Variants in ACLY observed in about 807,000 individuals in gnomAD.
The protein encoded by ACLY is ATP-citrate synthase.
In ACLY, 41 loss-of-function variants were observed where a neutral mutation model predicts 133.0. That is an observed-to-expected ratio of 0.31 (90% CI 0.24 to 0.40). ACLY has a LOEUF of 0.40. ACLY is among the 10% of genes least tolerant of loss of function. ACLY has a pLI of 1.00. For synonymous variants in ACLY, 495 were observed against 549.3 expected (o/e 0.90, Z 1.38); for missense variants, 1,046 against 1,453.8 (o/e 0.72, Z 4.56).
At chr17:41,904,634 A>T (rs1192355215) in intron 10 of ACLY, 95 bp downstream of exon 10, 5 of 1,234,824 alleles carry the variant, frequency 4.0e-6, no homozygotes, top group Non-Finnish European at 5.9e-6. Flanking sequence ...AACTCATGGT[A>T]ACTTGGCTCT....
intron 3 of ACLY, 49 bp from the exon 4 acceptor site, chr17:41,910,333 C>T (rs1555633455): frequency 1.3e-6 from 2 of 1,555,106 alleles, no homozygotes; most frequent in Non-Finnish European, 1.8e-6. Context: ...GCACGTCTTG[C>T]CCCTAGGGCA....
At chr17:41,873,049 T>C (rs532713902) in intron 23 of ACLY, among the ~76,000 whole-genome samples, 4 of 152,238 alleles carry the variant, frequency 2.6e-5, no homozygotes, top group African/African-American at 9.6e-5. Context: ...AATCACATAC[T>C]CACTGGCTCC....
chr17:41,895,106 A>T (rs1555630105), intron 14 of ACLY, among the ~76,000 whole-genome samples: 1 of 152,216 alleles, frequency 6.6e-6, no homozygotes, highest in African/African-American at 2.4e-5. Context: ...CAGTCCTAGG[A>T]AACTGAAGCC....
chr17:41,883,126 G>A lies in ACLY; in HGVS notation c.2261C>T (p.Ser754Phe), dbSNP rs1555627639. The change falls in exon 20 of 29, where the codon TCT becomes TTT. Residue 754 changes from serine to phenylalanine, a missense_variant. Physicochemically the swap from Ser to Phe is radical, Grantham distance 155. Around this residue, in one of 4 missense-constraint regions of ACLY, gnomAD observed 575 missense variants for 804.2 expected, o/e 0.71. Transcript: ENST00000352035. ...CIGTCATMFS[S>F]EVQFGHAGAC... Reference sequence around the variant, plus strand: ...AGTGACCCATCTCAGCCATACCTCAGAGGAGAACATGGTGGCACACGTCCC... The same window carrying A: ...AGTGACCCATCTCAGCCATACCTCAAAGGAGAACATGGTGGCACACGTCCC... 1.2e-6 allele frequency: 2 copies of A among 1,613,626 alleles called. No individual in the cohort carries two copies. The highest frequency in any genetic ancestry group is 1.1e-5 in the South Asian group (1 of 91,052).
intron 1 of ACLY, among the ~76,000 whole-genome samples, chr17:41,916,236 T>A (rs147862064): frequency 7.1e-4 from 108 of 152,264 alleles, no homozygotes; most frequent in African/African-American, 2.5e-3. Context: ...AAGGAATGTA[T>A]ACAACATAAT....
intron 5 of ACLY, 117 bp downstream of exon 5, chr17:41,909,393 C>T: frequency 8.8e-7 from 1 of 1,133,026 alleles, no homozygotes; most frequent in Non-Finnish European, 1.3e-6. Context: ...CAGGACAGGG[C>T]CGTGTCTACC....
At chr17:41,887,027 G>A (rs565788274) in intron 17 of ACLY, among the ~76,000 whole-genome samples, 30 of 150,884 alleles carry the variant, frequency 2.0e-4, no homozygotes, top group African/African-American at 7.3e-4. Context: ...GGGAGGCTGA[G>A]GCAGGAGAAT....
chr17:41,922,532 T>C (rs543691119), upstream of ACLY, among the ~76,000 whole-genome samples: 1 of 152,230 alleles, frequency 6.6e-6, no homozygotes, highest in African/African-American at 2.4e-5. Flanking sequence ...TAATAAACTC[T>C]TTGAAGGTCA....
At position 41,867,664 on chromosome 17, in the gene ACLY, T is replaced by C. The variant is rs1555624143; in HGVS notation, c.*146A>G. On this transcript the variant is annotated 3_prime_UTR_variant, in exon 29 of 29. Transcript: ENST00000352035. ...CTGAAGGGGTGTTAGCCTGTGGATG[T>C]TGGTCTTCGGTGCCTGTACCCCAGT... 3.9e-6 allele frequency: 2 copies of C among 512,316 alleles called. No homozygotes were observed. The highest frequency in any genetic ancestry group is 3.0e-5 in the South Asian group (1 of 33,474). 31.7% of individuals were successfully genotyped at this position (512,316 alleles called of 1,614,324 possible). A position where few individuals can be genotyped will look rare whatever the true frequency, so the allele number is the denominator to read the frequency against.
Position 41,890,407 on chromosome 17 carries a change from G to A in ACLY, c.1770+1872C>T, listed in dbSNP as rs893544154. Among the ~76,000 whole-genome samples the A allele has an allele frequency of 2.1e-4, 32 of 151,962 alleles. 1 individual carries two copies. Among genetic ancestry groups the A allele is most frequent in the African/African-American group, 6.7e-4 (28 of 41,504 alleles). ...TTGAAAAAAAAAAAAAAAATTTGCC[G>A]GGCGCGGTGGCTCACGCCTGTAATC... On this transcript the variant is annotated intron_variant, in intron 16 of 28. Coordinates refer to ENST00000352035, the MANE Select transcript of ACLY (RefSeq NM_001096.3).
At chr17:41,925,560 C>A (rs997454231) in intron 1 of ACLY, among the ~76,000 whole-genome samples, 1 of 151,668 alleles carries the variant, frequency 6.6e-6, no homozygotes, top group African/African-American at 2.4e-5. Context: ...TGCAGTGAGC[C>A]GAGATTGTGC....
In ACLY at chr17:41,887,581, T is replaced by TC. The variant is rs1248559574; in HGVS notation, c.1875+17dup. 38 of 1,609,944 alleles carry TC rather than the reference T, an allele frequency of 2.4e-5. No individual in the cohort carries two copies. The Admixed American group carries it at 5.0e-4, about 21-fold the overall frequency. On this transcript the variant is annotated intron_variant, in intron 17 of 28. Transcript: ENST00000352035. ...AGATAGCATCGAACGTAAAAGGCTTTCCGGAGGGGAAGCTCACAGTGGCAG... is the reference window on the plus strand; with the variant it reads ...AGATAGCATCGAACGTAAAAGGCTTTCCCGGAGGGGAAGCTCACAGTGGCAG...
In ACLY at chr17:41,905,550, G is replaced by A. The variant is rs782534384; in HGVS notation, c.975C>T (p.Ser325=). 8.7e-6 allele frequency: 14 copies of A among 1,614,080 alleles called. No individual in the cohort carries two copies. Among genetic ancestry groups the A allele is most frequent in the Non-Finnish European group, 1.1e-5 (13 of 1,180,052 alleles). Residue 325 remains serine (S), a synonymous_variant, in exon 9 of 29, where the codon TCC becomes TCT. Coordinates refer to ENST00000352035, the MANE Select transcript of ACLY (RefSeq NM_001096.3). ...CTGGGTGCTTCTCTCGGGTCATGAG[G>A]GAGAGGATAGTCTTGGCATAGTCAT... is the stretch of plus-strand genomic sequence containing the variant. ...QTYDYAKTIL[S]LMTREKHPDG...
chr17:41,908,150 G>A (rs1386553885), intron 6 of ACLY, among the ~76,000 whole-genome samples: 9 of 152,098 alleles, frequency 5.9e-5, no homozygotes, highest in African/African-American at 1.9e-4. Context: ...TCCATTAGAG[G>A]GGCTGCATCC....
intron 1 of ACLY, among the ~76,000 whole-genome samples, chr17:41,928,594 G>A (rs2050269440): frequency 1.3e-5 from 2 of 151,190 alleles, no homozygotes; most frequent in Non-Finnish European, 2.9e-5. Context: ...GCTCATGCCT[G>A]TAATCCCAGC....
intron 18 of ACLY, among the ~76,000 whole-genome samples, chr17:41,884,964 G>C (rs1555627915): frequency 6.6e-6 from 1 of 152,118 alleles, no homozygotes; most frequent in Non-Finnish European, 1.5e-5. Context: ...CCGCCTCCCG[G>C]GTTCAAGCAA....
chr17:41,895,285 C>T (rs1555630126), intron 14 of ACLY, among the ~76,000 whole-genome samples: 2 of 152,208 alleles, frequency 1.3e-5, no homozygotes, highest in African/African-American at 2.4e-5. Context: ...CGCCAGGTGA[C>T]GCACGTGCAC....
At position 41,898,703 on chromosome 17, in the gene ACLY, C is replaced by T. The variant is rs782334121; in HGVS notation, c.1266G>A (p.Arg422=). The T allele has an allele frequency of 6.2e-7, 1 of 1,613,884 alleles. No homozygotes were observed. Among genetic ancestry groups the T allele is most frequent in the Non-Finnish European group, 8.5e-7 (1 of 1,179,922 alleles). Residue 422 remains arginine (R), a synonymous_variant, in exon 12 of 29, where the codon CGG becomes CGA. Transcript: ENST00000352035. ...CTGTGGGTGGCTGGTTGGGGATGGG[C>T]CGGTGGCCCAGGGCCATGCCCACAA... ...TAIVGMALGH[R]PIPNQPPTAA... is the part of the protein sequence containing the mutation.
chr17:41,930,486 T>C, exon 1 of ACLY: 1 of 474,622 alleles, frequency 2.1e-6, no homozygotes, highest in Non-Finnish European at 3.8e-6. Flanking sequence ...CAGCAAACAC[T>C]AACCAGCCCA....
Sources: allele counts gnomAD v4.1 joint callset (sites outside exome capture counted in the v4.1 genomes callset), GRCh38; gene constraint gnomAD v4.1.1; regional missense constraint gnomAD v4.1.1; transcripts MANE v1.5; gene names NCBI Gene and HGNC (gene_info 2026-07-23, HGNC 2026-07-21).